AOPEP: variants seen among roughly 807,000 people sequenced by gnomAD.
The protein encoded by AOPEP is aminopeptidase O.
AOPEP carries 77 observed loss-of-function variants against 98.1 expected under a neutral mutation model. The observed-to-expected ratio is 0.78, with a 90% CI of 0.65 to 0.95. The LOEUF is 0.95. Among genes scored for constraint, AOPEP ranks in the 40% least tolerant of loss-of-function variants. The probability of loss-of-function intolerance (pLI) is 0.00; values close to 1 mark genes in which losing one functional copy is unlikely to be tolerated. For synonymous variants in AOPEP, 346 were observed against 365.3 expected (o/e 0.95, Z 0.60); for missense variants, 1,024 against 1,024.7 (o/e 1.00, Z 0.01).
chr9:94,933,038 A>C (rs1247813070), intron 7 of AOPEP: 1 of 985,474 alleles, frequency 1.0e-6, no homozygotes, highest in East Asian at 1.1e-4. Flanking sequence ...TAAGACCCCA[A>C]GGACTCTCCC....
intron 3 of AOPEP, among the ~76,000 whole-genome samples, chr9:94,791,626 A>G (rs749863690): frequency 6.6e-6 from 1 of 152,160 alleles, no homozygotes; most frequent in African/African-American, 2.4e-5. Flanking sequence ...GTTGAGCTGC[A>G]GTGAACTGTG....
intron 13 of AOPEP, among the ~76,000 whole-genome samples, chr9:95,018,118 CAT>C (rs1397605408): frequency 1.3e-5 from 2 of 152,260 alleles, no homozygotes; most frequent in East Asian, 3.9e-4. Context: ...TTTGTGTAGA[CAT>C]ATGTTTTCAT....
At chr9:95,006,332 G>GTT in intron 13 of AOPEP, 1 of 319,048 alleles carries the variant, frequency 3.1e-6, no homozygotes, top group Non-Finnish European at 6.2e-6. Context: ...ACATTTCACT[G>GTT]TTTTTTGATT....
At chr9:94,898,960 A>AAATAAAT (rs1449515660) in intron 5 of AOPEP, among the ~76,000 whole-genome samples, 3 of 143,692 alleles carry the variant, frequency 2.1e-5, no homozygotes, top group African/African-American at 8.6e-5. Flanking sequence ...ATAAATAAAT[A>AAATAAAT]AATAAAAAGA....
chr9:94,930,981 T>G lies in AOPEP; in HGVS notation c.1661+2450T>G, dbSNP rs2055203452. 6.6e-6 allele frequency among the ~76,000 whole-genome samples: 1 copy of G among 152,186 alleles called. No individual in the cohort carries two copies. Among genetic ancestry groups the G allele is most frequent in the Non-Finnish European group, 1.5e-5 (1 of 68,022 alleles). ...ATCCCTTCACCTCTTAAAGGCTCAG[T>G]CCCTCCACCTAAGAGGTCATTTCCA... On this transcript the variant is annotated intron_variant, in intron 7 of 16. Coordinates refer to ENST00000375315, the MANE Select transcript of AOPEP (RefSeq NM_001193329.3). This position sits in a 1 kb window ranked among gnomAD's most constrained non-coding sequence, Gnocchi z 4.5.
the AOPEP span, among the ~76,000 whole-genome samples, chr9:95,094,344 T>C: frequency 6.6e-6 from 1 of 152,228 alleles, no homozygotes; most frequent in African/African-American, 2.4e-5. Context: ...AGAATACACA[T>C]AAGATTGACC....
chr9:95,034,401 C>T (rs963786744), intron 13 of AOPEP, among the ~76,000 whole-genome samples: 4 of 152,072 alleles, frequency 2.6e-5, no homozygotes, highest in Non-Finnish European at 5.9e-5. Flanking sequence ...TAGGAAATAC[C>T]AAAGAATCTA....
At chr9:94,954,537 T>G (rs1002440891) in intron 7 of AOPEP, among the ~76,000 whole-genome samples, 3 of 152,214 alleles carry the variant, frequency 2.0e-5, no homozygotes, top group Non-Finnish European at 4.4e-5. Flanking sequence ...CAAAGTCATC[T>G]TGGGCCACAT....
the AOPEP span, among the ~76,000 whole-genome samples, chr9:95,146,509 A>AAAG: frequency 6.6e-6 from 1 of 151,512 alleles, no homozygotes; most frequent in Non-Finnish European, 1.5e-5. Flanking sequence ...AAAAAAAAAA[A>AAAG]AAATTGAAAA....
At chr9:95,079,602 C>T (rs1333822229) in intron 14 of AOPEP, among the ~76,000 whole-genome samples, 2 of 152,196 alleles carry the variant, frequency 1.3e-5, no homozygotes, top group Non-Finnish European at 2.9e-5. Context: ...GTGCCTGCAG[C>T]ACCGAGCAAT....
At chr9:94,996,929 C>G (rs1238882434) in intron 11 of AOPEP, among the ~76,000 whole-genome samples, 1 of 152,144 alleles carries the variant, frequency 6.6e-6, no homozygotes, top group African/African-American at 2.4e-5. Flanking sequence ...TGCACACTGT[C>G]CCCTAATTCT....
At chr9:94,806,210 C>A (rs1157230291) in intron 5 of AOPEP, among the ~76,000 whole-genome samples, 2 of 152,204 alleles carry the variant, frequency 1.3e-5, no homozygotes, top group Non-Finnish European at 2.9e-5. Flanking sequence ...AACTTCTCTA[C>A]TTTCTCCGAT....
chr9:95,067,566 C>T (rs1486948448), intron 14 of AOPEP, among the ~76,000 whole-genome samples: 3 of 152,146 alleles, frequency 2.0e-5, no homozygotes, highest in African/African-American at 2.4e-5. Flanking sequence ...TTCATGGCCT[C>T]GGCTCTCAGG....
At chr9:94,966,500 A>T (rs978898082) in intron 9 of AOPEP, among the ~76,000 whole-genome samples, 6 of 152,198 alleles carry the variant, frequency 3.9e-5, no homozygotes, top group Admixed American at 3.3e-4. Flanking sequence ...ATTTTAAAAG[A>T]TTATTTTCTA....
chr9:94,779,735 C>G (rs1842885220), intron 3 of AOPEP, among the ~76,000 whole-genome samples: 1 of 151,182 alleles, frequency 6.6e-6, no homozygotes, highest in Non-Finnish European at 1.5e-5. Context: ...TGAAATTGCC[C>G]CTTACAATAT....
At chr9:95,054,995 G>A (rs528352455) in intron 13 of AOPEP, among the ~76,000 whole-genome samples, 105 of 152,114 alleles carry the variant, frequency 6.9e-4, no homozygotes, top group South Asian at 1.9e-3. Flanking sequence ...TGTAAGTTTC[G>A]GCAATTCTTT....
At position 94,792,870 on chromosome 9, in the gene AOPEP, A is replaced by G; in HGVS notation, c.1070A>G (p.Asn357Ser). The change falls in exon 4 of 17, where the codon AAT becomes AGT. Residue 357 changes from asparagine (N) to serine (S), a missense_variant. Physicochemically the swap from Asn to Ser is conservative, Grantham distance 46. Coordinates refer to ENST00000375315, the MANE Select transcript of AOPEP (RefSeq NM_001193329.3). ...ATGAAGATGGAGACATGGTCATCAA[A>G]TGATTTGGCAACAGAGAGACCCTTC... ...TEMKMETWSS[N>S]DLATERPFSP... 1 of 1,613,610 alleles carries G rather than the reference A, an allele frequency of 6.2e-7. No individual in the cohort carries two copies. The highest frequency in any genetic ancestry group is 1.1e-5 in the South Asian group (1 of 91,036).
At chr9:94,946,242 TGACTC>T (rs1175701039) in intron 7 of AOPEP, among the ~76,000 whole-genome samples, 2 of 152,260 alleles carry the variant, frequency 1.3e-5, no homozygotes, top group Non-Finnish European at 2.9e-5. Context: ...GCAAACCTCT[TGACTC>T]TACTGAATGG....
intron 5 of AOPEP, among the ~76,000 whole-genome samples, chr9:94,902,152 G>A (rs1375979190): frequency 6.6e-6 from 1 of 152,180 alleles, no homozygotes; most frequent in East Asian, 1.9e-4. Flanking sequence ...GAGTGTTTAA[G>A]CAGGGAGGAA....
Sources: allele counts gnomAD v4.1 joint callset (sites outside exome capture counted in the v4.1 genomes callset), GRCh38; gene constraint gnomAD v4.1.1; non-coding constraint Gnocchi (gnomAD v3.1); transcripts MANE v1.5; gene names NCBI Gene and HGNC (gene_info 2026-07-23, HGNC 2026-07-21).